The following DUS2 variants were observed in gnomAD, a reference collection of about 807,000 sequenced individuals.
DUS2 encodes dihydrouridine synthase 2.
A neutral mutation model predicts 71.3 loss-of-function variants in DUS2; 52 were observed. The observed-to-expected ratio is 0.73, with a 90% confidence interval of 0.58 to 0.92. The LOEUF (loss-of-function observed/expected upper bound fraction) is 0.92. DUS2 is among the 40% of genes least tolerant of loss of function. The pLI is 0.00. For synonymous variants in DUS2, 204 were observed against 227.8 expected, an observed-to-expected ratio of 0.90 and a Z score of 0.94; for missense variants, 558 against 622.6, an observed-to-expected ratio of 0.90 and a Z score of 1.10.
intron 15 of DUS2, 100 bp from the exon 16 acceptor site, chr16:68,078,345 T>C (rs1055446342): frequency 2.6e-5 from 30 of 1,164,292 alleles, no homozygotes; most frequent in Admixed American, 1.7e-4. Context: ...TTGACTTAGG[T>C]TGGAAACACT....
intron 7 of DUS2, among the ~76,000 whole-genome samples, chr16:68,058,657 A>G (rs570761322): frequency 6.6e-6 from 1 of 152,288 alleles, no homozygotes; most frequent in African/African-American, 2.4e-5. Flanking sequence ...ATATATATTT[A>G]TTTGTTTATT....
At chr16:68,061,209 T>C (rs1336248642) in intron 8 of DUS2, 96 bp downstream of exon 8, 1 of 1,297,066 alleles carries the variant, frequency 7.7e-7, no homozygotes, top group Admixed American at 1.9e-5. Context: ...GATTTACTGA[T>C]GTCCACCCAG....
At chr16:68,054,702 C>T in intron 6 of DUS2, 85 bp downstream of exon 6, 2 of 1,497,902 alleles carry the variant, frequency 1.3e-6, no homozygotes, top group South Asian at 2.3e-5. Flanking sequence ...TTGTAGGTGA[C>T]TCACCCTTCT....
At chr16:68,069,398 A>G (rs1331125290) in intron 10 of DUS2, among the ~76,000 whole-genome samples, 2 of 152,204 alleles carry the variant, frequency 1.3e-5, no homozygotes, top group African/African-American at 4.8e-5. Context: ...CAAAAATAAA[A>G]GAACAAGAGT....
chr16:68,051,316 G>A (rs1319859876), intron 4 of DUS2, among the ~76,000 whole-genome samples: 1 of 152,180 alleles, frequency 6.6e-6, no homozygotes, highest in African/African-American at 2.4e-5. Context: ...AAAGGGTTAG[G>A]TTTGTGCAAG....
chr16:68,028,168 G>A (rs1480759300), intron 2 of DUS2, among the ~76,000 whole-genome samples: 2 of 152,124 alleles, frequency 1.3e-5, no homozygotes, highest in African/African-American at 2.4e-5. Context: ...AAGCCTGGAG[G>A]CAGAGAGACT....
intron 3 of DUS2, among the ~76,000 whole-genome samples, chr16:68,040,366 A>G (rs2033604744): frequency 6.6e-6 from 1 of 152,120 alleles, no homozygotes; most frequent in African/African-American, 2.4e-5. Flanking sequence ...TATAGGTGTG[A>G]GACACTGCAC....
chr16:68,063,828 A>G (rs2033971926), intron 8 of DUS2, among the ~76,000 whole-genome samples: 1 of 152,072 alleles, frequency 6.6e-6, no homozygotes, highest in Admixed American at 6.6e-5. Flanking sequence ...GGTTCAAGTG[A>G]TTCTCCTGCC....
At position 68,078,447 on chromosome 16, in the gene DUS2, T is replaced by C; in HGVS notation, c.1173T>C (p.Val391=). The part of the protein sequence containing the change: ...EKLAQPVYET[V]QRPLDRLFSS... ...GATTCCTTTTCTCTTTGTATCAGGT[T>C]CAACGCCCTCTAGATCGCCTGTTCT... Residue 391 remains valine (V), a splice_region_variant and synonymous_variant, in exon 16 of 17, where the codon GTT becomes GTC. Coordinates refer to ENST00000565263, the MANE Select transcript of DUS2 (RefSeq NM_017803.5). 1.9e-6 allele frequency: 3 copies of C among 1,614,136 alleles called. No homozygotes were observed. Among genetic ancestry groups the C allele is most frequent in the Non-Finnish European group, 2.5e-6 (3 of 1,180,004 alleles).
chr16:68,072,239 C>G (rs1483030628), intron 12 of DUS2, among the ~76,000 whole-genome samples: 1 of 152,230 alleles, frequency 6.6e-6, no homozygotes, highest in Non-Finnish European at 1.5e-5. Flanking sequence ...GTCCTATTTC[C>G]TGTTCAATGC....
chr16:68,056,403 T>C lies in DUS2; in HGVS notation c.348T>C (p.Cys116=), dbSNP rs2033851397. The C allele has an allele frequency of 1.2e-6, 2 of 1,613,766 alleles. No homozygotes were observed. Among genetic ancestry groups the C allele is most frequent in the African/African-American group, 1.3e-5 (1 of 75,008 alleles). Residue 116 remains cysteine, a synonymous_variant, in exon 7 of 17, where the codon TGT becomes TGC. Transcript: ENST00000565263. ...CTGGTATTGATGTCAACATGGGCTG[T>C]CCAAAACAATATTCCACCAAGGTAA... ...DVAGIDVNMG[C]PKQYSTKGGM...
chr16:68,062,792 C>T (rs2033958555), intron 8 of DUS2, among the ~76,000 whole-genome samples: 1 of 151,314 alleles, frequency 6.6e-6, no homozygotes. Flanking sequence ...ACTATAGTCT[C>T]TTCTGACTCC....
intron 2 of DUS2, among the ~76,000 whole-genome samples, chr16:68,037,077 T>C (rs1417438539): frequency 2.6e-5 from 4 of 151,984 alleles, no homozygotes; most frequent in Non-Finnish European, 2.9e-5. Context: ...ACTCTCTGGC[T>C]AGAATGAAAA....
chr16:68,025,705 C>G (rs891097606), intron 2 of DUS2, among the ~76,000 whole-genome samples: 1 of 152,008 alleles, frequency 6.6e-6, no homozygotes, highest in Non-Finnish European at 1.5e-5. Flanking sequence ...CCTTTTTTCC[C>G]CCTCACTCAC....
At chr16:68,060,024 A>T (rs2033917753) in intron 7 of DUS2, among the ~76,000 whole-genome samples, 1 of 152,200 alleles carries the variant, frequency 6.6e-6, no homozygotes, top group Admixed American at 6.6e-5. Context: ...TGTTGCTGGC[A>T]GAAGAGAAGG....
chr16:68,057,304 A>G (rs1159731741), intron 7 of DUS2, among the ~76,000 whole-genome samples: 1 of 149,394 alleles, frequency 6.7e-6, no homozygotes, highest in Non-Finnish European at 1.5e-5. Context: ...TAATAAAACA[A>G]TGCAAAGGTA....
chr16:68,049,453 G>C, intron 3 of DUS2, 52 bp from the exon 4 acceptor site: 3 of 1,593,420 alleles, frequency 1.9e-6, no homozygotes, highest in Non-Finnish European at 2.6e-6. Flanking sequence ...AATCCTTCAT[G>C]CCCAGAGCCT....
chr16:68,032,530 A>G (rs2033454904), intron 2 of DUS2, among the ~76,000 whole-genome samples: 1 of 152,172 alleles, frequency 6.6e-6, no homozygotes, highest in Non-Finnish European at 1.5e-5. Context: ...GATTTTCTGT[A>G]GGGACGTATC....
chr16:68,062,717 T>TAAAA (rs2033956848), intron 8 of DUS2, among the ~76,000 whole-genome samples: 1 of 74,990 alleles, frequency 1.3e-5, no homozygotes, highest in African/African-American at 5.5e-5. Context: ...AGACTCCGTC[T>TAAAA]CAAAAAAAAA....
Sources: gnomAD v4.1 joint callset for allele counts (sites outside exome capture counted in the v4.1 genomes callset) on GRCh38, gnomAD v4.1.1 for gene constraint, MANE v1.5 for transcripts, NCBI Gene and HGNC (gene_info 2026-07-23, HGNC 2026-07-21) for gene names.